Variants in UNC13C observed in about 807,000 individuals in gnomAD.
UNC13C encodes the protein unc-13 homolog C.
UNC13C carries 174 observed loss-of-function variants against 245.4 expected under a neutral mutation model. The observed-to-expected ratio is 0.71, with a 90% confidence interval of 0.63 to 0.80. The LOEUF (loss-of-function observed/expected upper bound fraction) is 0.80, where lower values mean the gene tolerates loss of function less well. UNC13C is among the 30% of genes least tolerant of loss of function. UNC13C has a pLI of 0.00. For synonymous variants in UNC13C, 992 were observed against 895.1 expected, an observed-to-expected ratio of 1.11 and a Z score of -1.93; for missense variants, 2,829 against 2,602.9, an observed-to-expected ratio of 1.09 and a Z score of -1.89.
At chr15:54,533,140 G>A in intron 26 of UNC13C, 74 bp downstream of exon 26, 1 of 1,154,090 alleles carries the variant, frequency 8.7e-7, no homozygotes, top group East Asian at 2.6e-5. Context: ...GAAAAACATT[G>A]TTTTCCTCTG....
intron 2 of UNC13C, chr15:54,049,543 G>T: frequency 3.3e-6 from 1 of 298,950 alleles, no homozygotes; most frequent in Non-Finnish European, 6.6e-6. Flanking sequence ...CATTAAGAAT[G>T]TTACGAACCT....
chr15:54,424,155 A>G (rs2040709234), intron 19 of UNC13C, among the ~76,000 whole-genome samples: 1 of 151,880 alleles, frequency 6.6e-6, no homozygotes, highest in Non-Finnish European at 1.5e-5. Context: ...CATTAAATCA[A>G]ATGAATCACA....
intron 4 of UNC13C, among the ~76,000 whole-genome samples, chr15:54,209,959 CTG>C (rs1212688096): frequency 3.9e-5 from 6 of 151,970 alleles, no homozygotes; most frequent in African/African-American, 1.4e-4. Context: ...GTGTAAGACA[CTG>C]TTTCATAACT....
intron 4 of UNC13C, among the ~76,000 whole-genome samples, chr15:54,224,113 T>C (rs1440896846): frequency 6.6e-6 from 1 of 152,118 alleles, no homozygotes; most frequent in Non-Finnish European, 1.5e-5. Flanking sequence ...CCTTTCCAGT[T>C]TAGTTGCACT....
intron 24 of UNC13C, chr15:54,512,219 C>T (rs971015656): frequency 1.2e-5 from 5 of 411,354 alleles, no homozygotes; most frequent in Non-Finnish European, 2.4e-5. Flanking sequence ...CTTTGTGGTG[C>T]TATTGGTTTT....
intron 17 of UNC13C, among the ~76,000 whole-genome samples, chr15:54,356,700 C>G (rs117546814): frequency 0.011 from 1,747 of 152,228 alleles, 14 homozygotes; most frequent in Non-Finnish European, 0.016. Flanking sequence ...AACTATTAAT[C>G]CTATCACATT....
At chr15:54,387,871 C>G (rs1381012867) in intron 17 of UNC13C, among the ~76,000 whole-genome samples, 1 of 152,134 alleles carries the variant, frequency 6.6e-6, no homozygotes, top group African/African-American at 2.4e-5. Context: ...TATTCAAATT[C>G]TTGGCATCAG....
intron 2 of UNC13C, among the ~76,000 whole-genome samples, chr15:54,072,203 G>A (rs1898362371): frequency 1.3e-5 from 2 of 152,206 alleles, no homozygotes; most frequent in Admixed American, 6.5e-5. Flanking sequence ...GAGCAGGGGT[G>A]CATTTCCTCT....
chr15:54,384,911 C>T (rs2039804784), intron 17 of UNC13C, among the ~76,000 whole-genome samples: 1 of 152,018 alleles, frequency 6.6e-6, no homozygotes, highest in African/African-American at 2.4e-5. Context: ...ATAAAAAATG[C>T]TCAGTATCAC....
chr15:54,378,713 A>C (rs1007303618), intron 17 of UNC13C, among the ~76,000 whole-genome samples: 94 of 152,058 alleles, frequency 6.2e-4, no homozygotes, highest in African/African-American at 2.2e-3. Flanking sequence ...AGGTAAGCTG[A>C]GACCACAGTA....
At chr15:54,357,177 A>C (rs1253327260) in intron 17 of UNC13C, among the ~76,000 whole-genome samples, 1 of 152,006 alleles carries the variant, frequency 6.6e-6, no homozygotes, top group African/African-American at 2.4e-5. Flanking sequence ...GAATTTTTAG[A>C]GTATTTTTAG....
chr15:54,473,894 C>G (rs1892589841), intron 19 of UNC13C, among the ~76,000 whole-genome samples: 1 of 125,474 alleles, frequency 8.0e-6, no homozygotes, highest in Non-Finnish European at 1.7e-5. Flanking sequence ...ACCTTGTCAC[C>G]CTTCTGAGTC....
At chr15:54,301,338 T>C (rs1231777597) in intron 13 of UNC13C, among the ~76,000 whole-genome samples, 2 of 151,330 alleles carry the variant, frequency 1.3e-5, no homozygotes, top group Non-Finnish European at 2.9e-5. Flanking sequence ...GTGCAGAATG[T>C]GCATGTTTGT....
chr15:54,315,742 C>T (rs1190214134), intron 13 of UNC13C, among the ~76,000 whole-genome samples: 1 of 151,780 alleles, frequency 6.6e-6, no homozygotes, highest in African/African-American at 2.4e-5. Context: ...TCCCCACCTT[C>T]AATTTTTTTC....
chr15:53,996,513 C>T (rs781724578), intron 1 of UNC13C, among the ~76,000 whole-genome samples: 1 of 152,064 alleles, frequency 6.6e-6, no homozygotes, highest in Admixed American at 6.6e-5. Flanking sequence ...CAGTGAAGTG[C>T]ATATATTTTA....
intron 1 of UNC13C, among the ~76,000 whole-genome samples, chr15:53,994,820 T>C (rs1894545552): frequency 6.6e-6 from 1 of 152,146 alleles, no homozygotes; most frequent in Admixed American, 6.5e-5. Flanking sequence ...TTAATATTTT[T>C]AGTATTTTTA....
chr15:53,946,470 C>T, the UNC13C span, among the ~76,000 whole-genome samples: 10 of 139,088 alleles, frequency 7.2e-5, no homozygotes, highest in Admixed American at 1.5e-4. Flanking sequence ...TTTTTTTAAA[C>T]GGAGTCTTGC....
intron 30 of UNC13C, among the ~76,000 whole-genome samples, chr15:54,601,237 A>G (rs1024985071): frequency 6.6e-6 from 1 of 152,232 alleles, no homozygotes; most frequent in Non-Finnish European, 1.5e-5. Flanking sequence ...TTGGTGACCT[A>G]TATACCAGGA....
intron 1 of UNC13C, among the ~76,000 whole-genome samples, chr15:54,000,677 A>G (rs1260451856): frequency 6.6e-6 from 1 of 152,166 alleles, no homozygotes; most frequent in Non-Finnish European, 1.5e-5. Flanking sequence ...TTGGCATTAG[A>G]GTGAATTTAT....
Sources: allele counts gnomAD v4.1 joint callset (sites outside exome capture counted in the v4.1 genomes callset), GRCh38; gene constraint gnomAD v4.1.1; transcripts MANE v1.5; gene names NCBI Gene and HGNC (gene_info 2026-07-23, HGNC 2026-07-21).